Variants in FCHSD2 observed in about 807,000 individuals in gnomAD.
The protein encoded by FCHSD2 is F-BAR and double SH3 domains protein 2.
A neutral mutation model predicts 108.1 loss-of-function variants in FCHSD2; 38 were observed. The ratio of observed to expected loss-of-function variants is 0.35; its 90% CI spans 0.27 to 0.46. The LOEUF (loss-of-function observed/expected upper bound fraction) is 0.46. FCHSD2 is among the 20% of genes least tolerant of loss of function. The pLI is 1.00. For synonymous variants in FCHSD2, 279 were observed against 314.7 expected (o/e 0.89, Z 1.20); for missense variants, 751 against 897.8 (o/e 0.84, Z 2.09).
intron 3 of FCHSD2, among the ~76,000 whole-genome samples, chr11:73,047,722 G>A (rs924290990): frequency 1.3e-5 from 2 of 152,150 alleles, no homozygotes; most frequent in Non-Finnish European, 2.9e-5. Flanking sequence ...ACCCCAACAA[G>A]TACTTTCTAG....
intron 3 of FCHSD2, among the ~76,000 whole-genome samples, chr11:73,037,780 A>C (rs60568866): frequency 0.034 from 5,140 of 152,278 alleles, 289 homozygotes; most frequent in African/African-American, 0.12. Flanking sequence ...AGGAGTCCTC[A>C]TTACCTTGTA....
At chr11:72,904,199 T>C (rs1000712233) in intron 9 of FCHSD2, among the ~76,000 whole-genome samples, 15 of 152,222 alleles carry the variant, frequency 9.9e-5, no homozygotes, top group Admixed American at 8.5e-4. Flanking sequence ...AAGAGAAATG[T>C]ACTTTGTTCT....
Position 72,881,259 on chromosome 11 carries a change from G to A in FCHSD2, c.1146+6211C>T, listed in dbSNP as rs561981817. ...TCAAAAGAAGACATAATGGCCAACA[G>A]GTATATGAAAAAATACTCAACATCA... On this transcript the variant is annotated intron_variant, in intron 12 of 19. Coordinates refer to ENST00000409418, the MANE Select transcript of FCHSD2 (RefSeq NM_014824.3). Among the ~76,000 whole-genome samples, 4 of 152,194 alleles carry A rather than the reference G, an allele frequency of 2.6e-5. No individual in the cohort carries two copies. The South Asian group carries it at 8.3e-4, about 32-fold the overall frequency.
intron 3 of FCHSD2, among the ~76,000 whole-genome samples, chr11:73,072,075 C>T (rs1490321017): frequency 3.3e-5 from 5 of 151,562 alleles, no homozygotes; most frequent in South Asian, 2.1e-4. Flanking sequence ...TGAAGACATA[C>T]GCAGACCACT....
At chr11:73,084,160 A>G (rs1387999479) in intron 2 of FCHSD2, among the ~76,000 whole-genome samples, 2 of 152,250 alleles carry the variant, frequency 1.3e-5, no homozygotes, top group African/African-American at 2.4e-5. Flanking sequence ...ATTAGGCACT[A>G]AAGATGTTTA....
At chr11:73,127,631 C>G (rs560672684) in intron 2 of FCHSD2, among the ~76,000 whole-genome samples, 1 of 152,260 alleles carries the variant, frequency 6.6e-6, no homozygotes, top group Admixed American at 6.5e-5. Context: ...AACTTACAGG[C>G]CTCCTCAGAT....
At chr11:72,967,239 G>A (rs952202149) in intron 8 of FCHSD2, among the ~76,000 whole-genome samples, 1 of 151,486 alleles carries the variant, frequency 6.6e-6, no homozygotes, top group African/African-American at 2.4e-5. Flanking sequence ...AATGAGGATA[G>A]TGAAGAGAGG....
intron 12 of FCHSD2, among the ~76,000 whole-genome samples, chr11:72,877,463 G>A (rs1854993595): frequency 6.6e-6 from 1 of 151,952 alleles, no homozygotes; most frequent in Admixed American, 6.6e-5. Flanking sequence ...CATGCTTTGG[G>A]TCATTTTCCA....
intron 2 of FCHSD2, among the ~76,000 whole-genome samples, chr11:73,124,365 A>G (rs1860804219): frequency 6.6e-6 from 1 of 152,146 alleles, no homozygotes; most frequent in South Asian, 2.1e-4. Context: ...CATATATAAC[A>G]AACCTGCACA....
At chr11:73,127,012 TG>T (rs1430468894) in intron 2 of FCHSD2, among the ~76,000 whole-genome samples, 1 of 152,218 alleles carries the variant, frequency 6.6e-6, no homozygotes, top group African/African-American at 2.4e-5. Flanking sequence ...TGCTCCAGCC[TG>T]GGATGGAATA....
intron 8 of FCHSD2, among the ~76,000 whole-genome samples, chr11:72,980,677 A>G (rs12269846): frequency 0.011 from 340 of 29,862 alleles, 1 homozygote; most frequent in East Asian, 0.034. Context: ...GTGTGTGTGT[A>G]TATATATATA....
chr11:72,875,575 C>T (rs78888296), intron 12 of FCHSD2, among the ~76,000 whole-genome samples: 2,029 of 152,200 alleles, frequency 0.013, 45 homozygotes, highest in African/African-American at 0.045. Flanking sequence ...ACGATCCTTC[C>T]GCCCTCCTGC....
At chr11:73,018,575 G>A (rs755530083) in intron 3 of FCHSD2, among the ~76,000 whole-genome samples, 3 of 144,952 alleles carry the variant, frequency 2.1e-5, no homozygotes, top group Non-Finnish European at 4.5e-5. Context: ...CTAGAATTTA[G>A]TTGATACCGA....
At chr11:72,984,262 C>T in intron 7 of FCHSD2, 46 bp from the exon 8 acceptor site, 2 of 1,583,744 alleles carry the variant, frequency 1.3e-6, no homozygotes, top group Non-Finnish European at 8.7e-7. Context: ...TGATATTGTA[C>T]TGCAAAACAC....
At position 73,105,046 on chromosome 11, in the gene FCHSD2, T is replaced by C. The variant is rs867576721; in HGVS notation, c.120-21306A>G. Among the ~76,000 whole-genome samples the C allele has an allele frequency of 2.0e-5, 3 of 152,334 alleles. No individual in the cohort carries two copies. In the Middle Eastern group the frequency reaches 0.01, roughly 518 times the overall value. ...GTAAAGTACTTCAAGTTTTTCAAAG[T>C]CCTTTCCCATCTTATCCTACCTGAC... On this transcript the variant is annotated intron_variant, in intron 2 of 19. Coordinates refer to ENST00000409418, the MANE Select transcript of FCHSD2 (RefSeq NM_014824.3).
At chr11:73,057,936 G>A (rs2135484280) in intron 3 of FCHSD2, among the ~76,000 whole-genome samples, 1 of 150,778 alleles carries the variant, frequency 6.6e-6, no homozygotes, top group African/African-American at 2.4e-5. Flanking sequence ...CTGGAGTGCA[G>A]TGGCACGATC....
chr11:73,026,297 T>A (rs536922238), intron 3 of FCHSD2, among the ~76,000 whole-genome samples: 13 of 152,134 alleles, frequency 8.5e-5, no homozygotes, highest in Non-Finnish European at 1.6e-4. Flanking sequence ...AAATGAAATA[T>A]TCTGTATGAG....
intron 2 of FCHSD2, among the ~76,000 whole-genome samples, chr11:73,097,661 G>C (rs1325431759): frequency 8.2e-6 from 1 of 121,244 alleles, no homozygotes; most frequent in South Asian, 2.6e-4. Flanking sequence ...CCCTTCACTT[G>C]TTATTGAGAA....
intron 4 of FCHSD2, among the ~76,000 whole-genome samples, chr11:73,014,175 AG>A (rs1857921142): frequency 8.2e-6 from 1 of 122,154 alleles, no homozygotes; most frequent in Non-Finnish European, 1.6e-5. Context: ...TCTGTCACCC[AG>A]GCTGGAGGGT....
Sources: allele counts gnomAD v4.1 joint callset (sites outside exome capture counted in the v4.1 genomes callset), GRCh38; gene constraint gnomAD v4.1.1; transcripts MANE v1.5; gene names NCBI Gene and HGNC (gene_info 2026-07-23, HGNC 2026-07-21).